KDM6A: variants seen among roughly 807,000 people sequenced by gnomAD.
KDM6A encodes lysine-specific demethylase 6A.
Under a neutral mutation model 117.6 loss-of-function variants are expected in KDM6A, and 11 were observed. The ratio of observed to expected loss-of-function variants is 0.09; its 90% CI spans 0.06 to 0.15. The LOEUF (loss-of-function observed/expected upper bound fraction) is 0.15. Ranked by LOEUF, KDM6A falls within the 10% of genes least tolerant of loss-of-function variation. KDM6A has a pLI of 1.00. For synonymous variants in KDM6A, 384 were observed against 396.1 expected, an observed-to-expected ratio of 0.97 and a Z score of 0.36; for missense variants, 799 against 1,077.3, an observed-to-expected ratio of 0.74 and a Z score of 3.62.
At chrX:45,039,191 C>T (rs1421835345) in intron 8 of KDM6A, among the ~76,000 whole-genome samples, 1 of 110,831 alleles carries the variant, frequency 9.0e-6, no homozygotes, top group Non-Finnish European at 1.9e-5. Flanking sequence ...TCAACCCTCC[C>T]CATCTGCACT....
intron 6 of KDM6A, among the ~76,000 whole-genome samples, chrX:45,025,716 T>C (rs919594617): frequency 8.9e-6 from 1 of 112,215 alleles, no homozygotes; most frequent in African/African-American, 3.2e-5. Flanking sequence ...TAGAGGAAGC[T>C]TATATAGGAA....
At chrX:44,985,510 A>G (rs933930798) in intron 4 of KDM6A, among the ~76,000 whole-genome samples, 5 of 111,440 alleles carry the variant, frequency 4.5e-5, no homozygotes, top group African/African-American at 1.6e-4. Flanking sequence ...GAGTGTTTCC[A>G]GTTTTTGCCC....
chrX:44,955,786 A>G (rs898690539), intron 2 of KDM6A, among the ~76,000 whole-genome samples: 4 of 111,592 alleles, frequency 3.6e-5, no homozygotes, highest in Non-Finnish European at 5.7e-5. Flanking sequence ...TCTAAAAACC[A>G]TAATTCTTTT....
At chrX:44,952,955 T>C (rs1355297380) in intron 2 of KDM6A, among the ~76,000 whole-genome samples, 1 of 110,572 alleles carries the variant, frequency 9.0e-6, no homozygotes, top group Non-Finnish European at 1.9e-5. Flanking sequence ...ATTTTAAAAA[T>C]GTTTTTGTAG....
Position 45,083,539 on chromosome X carries a change from G to A in KDM6A, c.3520G>A (p.Val1174Ile). 1 of 1,208,252 alleles carries A rather than the reference G, an allele frequency of 8.3e-7. No homozygotes were observed. The highest frequency in any genetic ancestry group is 1.1e-6 in the Non-Finnish European group (1 of 892,387). Reference protein sequence around the residue: ...VVSAGNLLSHVGHTILGMNTV... With the variant: ...VVSAGNLLSHIGHTILGMNTV... ...ATCAGCAGGAAATCTTCTAAGCCATGTTGGTCATACCATATTGGGCATGAA... is the reference window on the plus strand; with the variant it reads ...ATCAGCAGGAAATCTTCTAAGCCATATTGGTCATACCATATTGGGCATGAA... Residue 1174 changes from valine (V) to isoleucine (I), a missense_variant, in exon 24 of 30, where the codon GTT becomes ATT. Physicochemically the swap from Val to Ile is conservative, Grantham distance 29. Around this residue, in one of 8 missense-constraint regions of KDM6A, gnomAD observed 291 missense variants for 437.9 expected, o/e 0.66. Transcript: ENST00000611820.
intron 20 of KDM6A, among the ~76,000 whole-genome samples, 159 bp downstream of exon 20, chrX:45,078,664 A>G (rs1171567881): frequency 9.5e-6 from 1 of 104,894 alleles, no homozygotes; most frequent in Admixed American, 1.0e-4. Flanking sequence ...AATGAGAGAG[A>G]GTGTGTGTAT....
Position 44,913,505 on chromosome X carries a change from G to A in KDM6A, c.225+39518G>A, listed in dbSNP as rs182194536. Reference sequence around the variant, plus strand: ...TTTTGTAGAGACTGGGTTTCACCATGTTGGCCAGGCTGGTCTCGAACTCCT... The same window carrying A: ...TTTTGTAGAGACTGGGTTTCACCATATTGGCCAGGCTGGTCTCGAACTCCT... On this transcript the variant is annotated intron_variant, in intron 2 of 29. Transcript: ENST00000611820. Among the ~76,000 whole-genome samples the A allele has an allele frequency of 5.1e-3, 563 of 109,413 alleles. 9 individuals are homozygous for A. The highest frequency in any genetic ancestry group is 0.016 in the African/African-American group (470 of 29,981).
At chrX:45,047,830 C>T (rs2043640436) in intron 8 of KDM6A, among the ~76,000 whole-genome samples, 2 of 105,668 alleles carry the variant, frequency 1.9e-5, no homozygotes, top group African/African-American at 3.4e-5. Context: ...ACTACAGGCG[C>T]GTGCCATCAC....
At chrX:44,924,236 A>G (rs1248618685) in intron 2 of KDM6A, among the ~76,000 whole-genome samples, 1 of 111,492 alleles carries the variant, frequency 9.0e-6, no homozygotes, top group Non-Finnish European at 1.9e-5. Flanking sequence ...TAGTTTCTTG[A>G]TTGTTCTCAT....
intron 2 of KDM6A, among the ~76,000 whole-genome samples, chrX:44,961,048 G>A (rs1375054378): frequency 9.0e-6 from 1 of 111,610 alleles, no homozygotes; most frequent in East Asian, 2.8e-4. Flanking sequence ...GGCAAGTATT[G>A]TTTCCATGTA....
intron 2 of KDM6A, among the ~76,000 whole-genome samples, chrX:44,927,286 A>G (rs749593541): frequency 6.0e-4 from 67 of 111,126 alleles, no homozygotes; most frequent in Non-Finnish European, 1.1e-3. Context: ...TATTTCCTGA[A>G]TATTTTCAAT....
At chrX:44,964,232 C>G (rs1427226751) in intron 3 of KDM6A, among the ~76,000 whole-genome samples, 1 of 107,707 alleles carries the variant, frequency 9.3e-6, no homozygotes, top group East Asian at 3.0e-4. Context: ...GGTGGATTAC[C>G]TGAGGTCAAG....
In KDM6A at chrX:45,069,591, G is replaced by A. The variant is rs763741893; in HGVS notation, c.2092G>A (p.Gly698Ser). Residue 698 changes from glycine (G) to serine (S), a missense_variant, in exon 18 of 30, where the codon GGT becomes AGT. Gly to Ser is a moderately conservative substitution (Grantham distance 56). Transcript: ENST00000611820. ...LSNSTQGLHK[G>S]QSSHSAGPNG... Reference sequence around the variant, plus strand: ...TCTTTCTTTTTAGGGGCTTCACAAAGGTCAGAGTTCACATTCGGCAGGTCC... The same window carrying A: ...TCTTTCTTTTTAGGGGCTTCACAAAAGTCAGAGTTCACATTCGGCAGGTCC... 3 of 1,210,341 alleles carry A rather than the reference G, an allele frequency of 2.5e-6. No homozygotes were observed. The South Asian group carries it at 5.3e-5, about 21-fold the overall frequency.
At chrX:45,043,566 C>G (rs1332378792) in intron 8 of KDM6A, among the ~76,000 whole-genome samples, 1 of 110,995 alleles carries the variant, frequency 9.0e-6, no homozygotes, top group East Asian at 2.8e-4. Flanking sequence ...CACTTGAAGC[C>G]CAGAGTTCAA....
chrX:44,909,118 C>T (rs1266763051), intron 2 of KDM6A, among the ~76,000 whole-genome samples: 1 of 111,695 alleles, frequency 9.0e-6, no homozygotes, highest in East Asian at 2.8e-4. Context: ...TCTTCCTCCT[C>T]AAGGGTAACC....
intron 29 of KDM6A, among the ~76,000 whole-genome samples, 195 bp downstream of exon 29, chrX:45,110,444 A>G (rs953236015): frequency 1.8e-5 from 2 of 111,504 alleles, no homozygotes; most frequent in Non-Finnish European, 3.8e-5. Flanking sequence ...GGCATATATC[A>G]TTTTCAGTTT....
chrX:45,006,007 C>T (rs1180148731), intron 4 of KDM6A, among the ~76,000 whole-genome samples: 1 of 77,005 alleles, frequency 1.3e-5, no homozygotes, highest in African/African-American at 4.9e-5. Flanking sequence ...CCACCACCCA[C>T]CACCCACCAC....
At position 44,873,759 on chromosome X, in the gene KDM6A, C is replaced by T. The variant is rs772811313; in HGVS notation, c.161+47C>T. The stretch of plus-strand genomic sequence containing the variant: ...CCGGTCGGCTCCGGACGGGCAGTAG[C>T]CGCTCTCCCGGGAGGACCGAGCGCG... On this transcript the variant is annotated intron_variant, in intron 1 of 29. Coordinates refer to ENST00000611820, the MANE Select transcript of KDM6A (RefSeq NM_001291415.2). The T allele has an allele frequency of 1.1e-5, 13 of 1,156,223 alleles. No individual in the cohort carries two copies. In the African/African-American group the frequency reaches 2.2e-4, roughly 19 times the overall value.
intron 5 of KDM6A, among the ~76,000 whole-genome samples, chrX:45,016,453 T>TTATGTATGTATG (rs35987184): frequency 5.8e-4 from 57 of 98,737 alleles, no homozygotes; most frequent in South Asian, 9.3e-4. Flanking sequence ...TGATTTTATT[T>TTATGTATGTATG]TATGTATGTA....
Sources: gnomAD v4.1 joint callset for allele counts (sites outside exome capture counted in the v4.1 genomes callset) on GRCh38, gnomAD v4.1.1 for gene constraint, gnomAD v4.1.1 regional missense constraint, MANE v1.5 for transcripts, NCBI Gene and HGNC (gene_info 2026-07-23, HGNC 2026-07-21) for gene names.